Variants in ZDHHC17 observed in about 807,000 individuals in gnomAD.
ZDHHC17 encodes the protein zDHHC palmitoyltransferase 17, also known as palmitoyltransferase ZDHHC17.
In ZDHHC17, 40 loss-of-function variants were observed where a neutral mutation model predicts 90.3. The ratio of observed to expected loss-of-function variants is 0.44; its 90% CI spans 0.34 to 0.58. The LOEUF is 0.58. Among genes scored for constraint, ZDHHC17 ranks in the 20% least tolerant of loss-of-function variants. The probability of loss-of-function intolerance (pLI) is 0.01; values close to 1 mark genes in which losing one functional copy is unlikely to be tolerated. For missense variants in ZDHHC17, 614 were observed against 780.8 expected, an observed-to-expected ratio of 0.79 and a Z score of 2.55; for synonymous variants, 235 against 252.4, an observed-to-expected ratio of 0.93 and a Z score of 0.65.
At chr12:76,831,159 A>G (rs922307085) in intron 10 of ZDHHC17, among the ~76,000 whole-genome samples, 2 of 152,208 alleles carry the variant, frequency 1.3e-5, no homozygotes, top group African/African-American at 4.8e-5. Flanking sequence ...AGATAATAGT[A>G]GCACTGTCTC....
At chr12:76,764,362 T>A (rs1328538633) in intron 1 of ZDHHC17, 33 bp downstream of exon 1, 2 of 1,542,596 alleles carry the variant, frequency 1.3e-6, no homozygotes, top group East Asian at 4.8e-5. Flanking sequence ...TTCCTTGCCC[T>A]GCGGCCCTCC....
At chr12:76,792,959 C>G (rs1165016367) in intron 1 of ZDHHC17, among the ~76,000 whole-genome samples, 4 of 152,116 alleles carry the variant, frequency 2.6e-5, no homozygotes, top group Non-Finnish European at 5.9e-5. Context: ...ACCAACTGAC[C>G]TCTAACTTGG....
chr12:76,831,679 G>A (rs1170366606), intron 10 of ZDHHC17, among the ~76,000 whole-genome samples: 2 of 151,890 alleles, frequency 1.3e-5, no homozygotes, highest in Non-Finnish European at 2.9e-5. Flanking sequence ...TCGTCTCACT[G>A]TGTCACACCC....
intron 1 of ZDHHC17, among the ~76,000 whole-genome samples, chr12:76,787,668 G>A (rs549033238): frequency 6.6e-6 from 1 of 151,868 alleles, no homozygotes; most frequent in South Asian, 2.1e-4. Context: ...TGCGCGCGCA[G>A]GAGAGTTGAT....
intron 16 of ZDHHC17, among the ~76,000 whole-genome samples, chr12:76,850,516 G>A (rs1953551562): frequency 6.6e-6 from 1 of 152,108 alleles, no homozygotes; most frequent in South Asian, 2.1e-4. Flanking sequence ...CCCAGAGTTC[G>A]AGGCCAGGCC....
At chr12:76,792,934 T>C (rs1380311989) in intron 1 of ZDHHC17, among the ~76,000 whole-genome samples, 1 of 152,148 alleles carries the variant, frequency 6.6e-6, no homozygotes, top group East Asian at 1.9e-4. Context: ...CTAGAGACAT[T>C]ATCAGTTAGA....
chr12:76,818,248 A>C (rs777269688), intron 7 of ZDHHC17, among the ~76,000 whole-genome samples: 35 of 152,212 alleles, frequency 2.3e-4, no homozygotes, highest in Non-Finnish European at 4.6e-4. Flanking sequence ...TGCACTTTAT[A>C]TGTAATTAAA....
chr12:76,845,289 G>C (rs1953481382), intron 12 of ZDHHC17: 1 of 151,986 alleles, frequency 6.6e-6, no homozygotes, highest in African/African-American at 2.4e-5. Context: ...TTCCTAGTAA[G>C]GAATAATTTT....
chr12:76,809,113 G>A lies in ZDHHC17; in HGVS notation c.391G>A (p.Ala131Thr). 6.5e-7 allele frequency: 1 copy of A among 1,542,908 alleles called. No homozygotes were observed. The highest frequency in any genetic ancestry group is 8.7e-7 in the Non-Finnish European group (1 of 1,147,148). Residue 131 changes from alanine to threonine, a missense_variant, in exon 4 of 17, where the codon GCC (alanine) becomes ACC (threonine). Ala to Thr is a moderately conservative substitution (Grantham distance 58). Around this residue, in one of 5 missense-constraint regions of ZDHHC17, gnomAD observed 358 missense variants for 380.4 expected, o/e 0.94. Coordinates refer to ENST00000426126, the MANE Select transcript of ZDHHC17 (RefSeq NM_015336.4). ...CCTGAATTCAACTCCATTGCACTGG[G>A]CCACAAGGTTTAAATTTGCTTCTGG... ...GDLNSTPLHW[A>T]TRQGHLSMVV...
intron 1 of ZDHHC17, among the ~76,000 whole-genome samples, chr12:76,783,703 G>A (rs1952654448): frequency 6.6e-6 from 1 of 152,170 alleles, no homozygotes; most frequent in Non-Finnish European, 1.5e-5. Flanking sequence ...CTAATCTCTG[G>A]AACCTATAAA....
At chr12:76,811,573 A>G (rs1298867610) in intron 5 of ZDHHC17, among the ~76,000 whole-genome samples, 1 of 152,212 alleles carries the variant, frequency 6.6e-6, no homozygotes, top group African/African-American at 2.4e-5. Context: ...CAAAAAGGGC[A>G]TGATGATGAT....
At chr12:76,808,653 AAAGT>A (rs1952982965) in intron 3 of ZDHHC17, among the ~76,000 whole-genome samples, 1 of 152,198 alleles carries the variant, frequency 6.6e-6, no homozygotes, top group African/African-American at 2.4e-5. Flanking sequence ...AATCTTAAGG[AAAGT>A]AAGGCTTAAA....
chr12:76,764,450 TG>T, intron 1 of ZDHHC17, 121 bp downstream of exon 1: 1 of 898,912 alleles, frequency 1.1e-6, no homozygotes. Flanking sequence ...TTGGGGAGGG[TG>T]GGGAGGCGAA....
intron 14 of ZDHHC17, 33 bp downstream of exon 14, chr12:76,846,712 C>T (rs1327070728): frequency 6.7e-7 from 1 of 1,496,470 alleles, no homozygotes; most frequent in Non-Finnish European, 9.2e-7. Flanking sequence ...CTTTTTAAAA[C>T]AAATTTCTGC....
At chr12:76,805,540 T>TAA (rs1952945791) in intron 3 of ZDHHC17, 101 bp downstream of exon 3, 1 of 1,084,240 alleles carries the variant, frequency 9.2e-7, no homozygotes, top group Non-Finnish European at 1.3e-6. Flanking sequence ...CTAAAATTCA[T>TAA]GGCTTTTAGA....
At chr12:76,803,899 G>A (rs1315307793) in intron 2 of ZDHHC17, among the ~76,000 whole-genome samples, 1 of 152,108 alleles carries the variant, frequency 6.6e-6, no homozygotes, top group Non-Finnish European at 1.5e-5. Context: ...GCCCTCAAAG[G>A]GGTGACTAGC....
At chr12:76,795,784 A>G (rs762268387) in intron 1 of ZDHHC17, among the ~76,000 whole-genome samples, 2 of 152,178 alleles carry the variant, frequency 1.3e-5, no homozygotes, top group Non-Finnish European at 2.9e-5. Context: ...AACCTACTCA[A>G]GCTACTCTAT....
At position 76,779,595 on chromosome 12, in the gene ZDHHC17, C is replaced by T. The variant is rs150843752; in HGVS notation, c.93+15266C>T. Among the ~76,000 whole-genome samples the T allele has an allele frequency of 3.3e-4, 51 of 152,262 alleles. 1 individual carries two copies. Among genetic ancestry groups the T allele is most frequent in the African/African-American group, 9.4e-4 (39 of 41,552 alleles). On this transcript the variant is annotated intron_variant, in intron 1 of 16. Transcript: ENST00000426126. ...CGTGGGAATTATGGGAACTACAATT[C>T]GAGATGAGATTTGGGTGGGGACACA... is the stretch of plus-strand genomic sequence containing the variant.
chr12:76,843,445 T>C (rs1174854632), intron 12 of ZDHHC17, among the ~76,000 whole-genome samples: 1 of 152,026 alleles, frequency 6.6e-6, no homozygotes, highest in Non-Finnish European at 1.5e-5. Flanking sequence ...TTTTGTTTTG[T>C]ATCAGAATGT....
Sources: gnomAD v4.1 joint callset for allele counts (sites outside exome capture counted in the v4.1 genomes callset) on GRCh38, gnomAD v4.1.1 for gene constraint, gnomAD v4.1.1 regional missense constraint, MANE v1.5 for transcripts, NCBI Gene and HGNC (gene_info 2026-07-23, HGNC 2026-07-21) for gene names.